Variants in ZFPM2 observed in about 807,000 individuals in gnomAD.
ZFPM2 encodes the protein zinc finger protein ZFPM2.
ZFPM2 carries 20 observed loss-of-function variants against 98.6 expected under a neutral mutation model. The observed-to-expected ratio is 0.20, with a 90% CI of 0.14 to 0.29. ZFPM2 has a LOEUF of 0.29. Among genes scored for constraint, ZFPM2 ranks in the 10% least tolerant of loss-of-function variants. The pLI is 1.00. For missense variants in ZFPM2, 1,310 were observed against 1,388.6 expected, an observed-to-expected ratio of 0.94 and a Z score of 0.90; for synonymous variants, 518 against 502.7, an observed-to-expected ratio of 1.03 and a Z score of -0.41.
chr8:105,388,365 A>T (rs546727267), intron 1 of ZFPM2, among the ~76,000 whole-genome samples: 1 of 152,278 alleles, frequency 6.6e-6, no homozygotes, highest in African/African-American at 2.4e-5. Context: ...GAGAAAGAGG[A>T]GGGAAAAAGA....
In ZFPM2 at chr8:105,633,435, G is replaced by C. The variant is rs1249527232; in HGVS notation, c.421-811G>C. On this transcript the variant is annotated intron_variant, in intron 4 of 7. Coordinates refer to ENST00000407775, the MANE Select transcript of ZFPM2 (RefSeq NM_012082.4). ...CTGAGACATACTTATTTCCTCCCCAGTTTATTTCCAGCCATGTAAATTTAT... is the reference window on the plus strand; with the variant it reads ...CTGAGACATACTTATTTCCTCCCCACTTTATTTCCAGCCATGTAAATTTAT... Among the ~76,000 whole-genome samples the C allele has an allele frequency of 5.3e-5, 8 of 152,244 alleles. No homozygotes were observed. In the East Asian group the frequency reaches 1.5e-3, roughly 29 times the overall value.
chr8:105,432,266 G>GA (rs1812036083), intron 2 of ZFPM2, among the ~76,000 whole-genome samples: 1 of 152,036 alleles, frequency 6.6e-6, no homozygotes, highest in South Asian at 2.1e-4. Flanking sequence ...CAAGCAGGAG[G>GA]AAAAAAACAG....
chr8:105,768,822 TACACAC>T (rs113463842), intron 5 of ZFPM2, among the ~76,000 whole-genome samples: 2 of 150,094 alleles, frequency 1.3e-5, no homozygotes, highest in African/African-American at 4.9e-5. Flanking sequence ...AACAAATACA[TACACAC>T]ACACACACAC....
intron 5 of ZFPM2, chr8:105,675,833 A>T (rs1024411494): frequency 6.6e-6 from 1 of 152,136 alleles, no homozygotes; most frequent in Non-Finnish European, 1.5e-5. Flanking sequence ...CTTTATCTGT[A>T]CTTTATAATC....
intron 2 of ZFPM2, among the ~76,000 whole-genome samples, chr8:105,443,562 TG>T (rs750301883): frequency 2.9e-4 from 44 of 152,222 alleles, no homozygotes; most frequent in South Asian, 2.1e-4. Flanking sequence ...TTAGACTTTT[TG>T]CTTTTAAAAT....
At chr8:105,780,188 T>A (rs1813207888) in intron 5 of ZFPM2, 1 of 152,186 alleles carries the variant, frequency 6.6e-6, no homozygotes, top group African/African-American at 2.4e-5. Context: ...GTTTGCAGCA[T>A]AAGAGACAGA....
intron 3 of ZFPM2, among the ~76,000 whole-genome samples, chr8:105,483,922 G>T (rs1394940854): frequency 6.6e-6 from 1 of 151,638 alleles, no homozygotes; most frequent in Non-Finnish European, 1.5e-5. Flanking sequence ...TTTTAGTAGA[G>T]AGTGGGTTTC....
At position 105,358,097 on chromosome 8, in the gene ZFPM2, T is replaced by C. The variant is rs557557739; in HGVS notation, c.40+39116T>C. On this transcript the variant is annotated intron_variant, in intron 1 of 7. Transcript: ENST00000407775. ...TGCATTCATTTTCCAGATGTGAACC[T>C]TGTTAAATTAAAATGGAGTAAAATT... Among the ~76,000 whole-genome samples, 55 of 152,338 alleles carry C rather than the reference T, an allele frequency of 3.6e-4. No homozygotes were observed. The South Asian group carries it at 0.011, about 30-fold the overall frequency.
At chr8:105,391,073 T>C (rs1811098117) in intron 1 of ZFPM2, among the ~76,000 whole-genome samples, 1 of 152,208 alleles carries the variant, frequency 6.6e-6, no homozygotes. Context: ...TACCTCATTT[T>C]ATTGTGCCTC....
chr8:105,698,502 A>G (rs7828657), intron 5 of ZFPM2, among the ~76,000 whole-genome samples: 77,833 of 152,098 alleles, frequency 0.51, 20,974 homozygotes, highest in East Asian at 0.7. Flanking sequence ...TAGCAAAGTC[A>G]GTGCTTTAAT....
intron 4 of ZFPM2, among the ~76,000 whole-genome samples, chr8:105,566,841 A>G (rs1347150623): frequency 6.6e-6 from 1 of 152,174 alleles, no homozygotes; most frequent in Non-Finnish European, 1.5e-5. Flanking sequence ...TTGACAGAGA[A>G]ATCTCATTTT....
At chr8:105,557,814 T>A (rs895894115) in intron 3 of ZFPM2, among the ~76,000 whole-genome samples, 2 of 152,186 alleles carry the variant, frequency 1.3e-5, no homozygotes, top group African/African-American at 4.8e-5. Flanking sequence ...TCTTTTCAAG[T>A]CAAACATCCA....
At chr8:105,484,669 G>A (rs1360852537) in intron 3 of ZFPM2, among the ~76,000 whole-genome samples, 1 of 152,052 alleles carries the variant, frequency 6.6e-6, no homozygotes, top group Non-Finnish European at 1.5e-5. Flanking sequence ...AATAAATATT[G>A]GCTACTATTT....
intron 5 of ZFPM2, among the ~76,000 whole-genome samples, chr8:105,642,021 G>A (rs1816957387): frequency 1.3e-5 from 2 of 152,046 alleles, no homozygotes; most frequent in African/African-American, 4.8e-5. Context: ...AATGAAGAGT[G>A]GGGTCTTTGA....
intron 3 of ZFPM2, among the ~76,000 whole-genome samples, chr8:105,519,340 C>T (rs556684358): frequency 3.3e-5 from 5 of 151,850 alleles, no homozygotes; most frequent in Non-Finnish European, 7.4e-5. Context: ...TAGCTCAATG[C>T]CTGAAAACTA....
At chr8:105,384,801 G>A (rs528547498) in intron 1 of ZFPM2, among the ~76,000 whole-genome samples, 66 of 152,210 alleles carry the variant, frequency 4.3e-4, no homozygotes, top group Admixed American at 3.3e-4. Context: ...GAACTTAGAC[G>A]AAACCCTGAA....
At chr8:105,442,007 T>A (rs1467220406) in intron 2 of ZFPM2, among the ~76,000 whole-genome samples, 2 of 152,100 alleles carry the variant, frequency 1.3e-5, no homozygotes, top group Non-Finnish European at 2.9e-5. Flanking sequence ...AGACTTGGTC[T>A]TATTTGTTTT....
intron 4 of ZFPM2, among the ~76,000 whole-genome samples, chr8:105,578,413 C>A (rs1293149129): frequency 1.2e-5 from 1 of 86,878 alleles, no homozygotes; most frequent in Non-Finnish European, 2.2e-5. Context: ...TTGTTTTACT[C>A]CAGTTTCTCC....
rs1481470968 is a variant in ZFPM2, at chr8:105,412,034, C to T, written c.41-7110C>T. 7.2e-5 allele frequency among the ~76,000 whole-genome samples: 11 copies of T among 151,782 alleles called. No individual in the cohort carries two copies. The East Asian group carries it at 7.7e-4, about 11-fold the overall frequency. On this transcript the variant is annotated intron_variant, in intron 1 of 7. Transcript: ENST00000407775. ...TGAAGGTTCTCAAAGCAAGGCATTTCGGGGGGAATAATATTTACATAATTT... is the reference window on the plus strand; with the variant it reads ...TGAAGGTTCTCAAAGCAAGGCATTTTGGGGGGAATAATATTTACATAATTT...
Sources: allele counts gnomAD v4.1 joint callset (sites outside exome capture counted in the v4.1 genomes callset), GRCh38; gene constraint gnomAD v4.1.1; transcripts MANE v1.5; gene names NCBI Gene and HGNC (gene_info 2026-07-23, HGNC 2026-07-21).